The following CDKL1 variants were observed in gnomAD, a reference collection of about 807,000 sequenced individuals.
CDKL1 encodes the protein cyclin dependent kinase like 1.
A neutral mutation model predicts 42.0 loss-of-function variants in CDKL1; 41 were observed. The ratio of observed to expected loss-of-function variants is 0.98; its 90% CI spans 0.76 to 1.27. CDKL1 has a LOEUF of 1.27. CDKL1 is among the 50% of genes most tolerant of loss of function. CDKL1 has a pLI of 0.00. For synonymous variants in CDKL1, 153 were observed against 158.6 expected (o/e 0.96, Z 0.26); for missense variants, 394 against 428.4 (o/e 0.92, Z 0.71).
Position 50,395,988 on chromosome 14 carries a change from C to T in CDKL1, c.-120G>A. 9.4e-7 allele frequency: 1 copy of T among 1,062,396 alleles called. No homozygotes were observed. The highest frequency in any genetic ancestry group is 1.5e-5 in the South Asian group (1 of 67,984). 65.8% of individuals were successfully genotyped at this position (1,062,396 alleles called of 1,614,324 possible). A position where few individuals can be genotyped will look rare whatever the true frequency, so the allele number is the denominator to read the frequency against. On this transcript the variant is annotated 5_prime_UTR_variant, in exon 2 of 10. Coordinates refer to ENST00000395834, the MANE Select transcript of CDKL1 (RefSeq NM_004196.7). ...TCACCTGAGGTCAGGAGTTCGAGAC[C>T]AGTCTGGCCAACATACTGAAACTCC...
chr14:50,391,620 TGATCC>T (rs2035259547), intron 2 of CDKL1, among the ~76,000 whole-genome samples: 1 of 152,008 alleles, frequency 6.6e-6, no homozygotes, highest in Non-Finnish European at 1.5e-5. Flanking sequence ...CGACCTCAAG[TGATCC>T]GCCCGTCTCA....
At chr14:50,337,725 GC>G (rs2033357887) in intron 7 of CDKL1, among the ~76,000 whole-genome samples, 1 of 138,006 alleles carries the variant, frequency 7.2e-6, no homozygotes, top group African/African-American at 2.7e-5. Flanking sequence ...TACTCCTGTC[GC>G]CCAGGCTAGA....
chr14:50,375,104 A>C (rs1223672069), intron 2 of CDKL1, among the ~76,000 whole-genome samples: 1 of 152,238 alleles, frequency 6.6e-6, no homozygotes, highest in Non-Finnish European at 1.5e-5. Context: ...TATTAAAAAA[A>C]ATTAAAAAAA....
In CDKL1 at chr14:50,343,237, C is replaced by T. The variant is rs141383975; in HGVS notation, c.364-1015G>A. Among the ~76,000 whole-genome samples the T allele has an allele frequency of 9.3e-4, 118 of 126,816 alleles. 1 individual carries two copies. The highest frequency in any genetic ancestry group is 3.2e-3 in the African/African-American group (108 of 33,368). The allele number at this position is 126,816 out of a possible 152,430, so 83.2% of individuals were successfully genotyped here. On this transcript the variant is annotated intron_variant, in intron 4 of 9. Coordinates refer to ENST00000395834, the MANE Select transcript of CDKL1 (RefSeq NM_004196.7). ...CTTCCTCTTTCCCAAGTGTTTTCCT[C>T]TTAGGAGGAGAATGCTAGATCGTTT...
chr14:50,331,250 C>G (rs1020045886), intron 9 of CDKL1: 2 of 152,130 alleles, frequency 1.3e-5, no homozygotes, highest in Non-Finnish European at 2.9e-5. Flanking sequence ...ATCAATACAC[C>G]AAATAGTGGA....
At chr14:50,353,466 T>TC (rs1330029727) in intron 3 of CDKL1, among the ~76,000 whole-genome samples, 2 of 152,244 alleles carry the variant, frequency 1.3e-5, no homozygotes, top group South Asian at 2.1e-4. Context: ...CACAAGGCTA[T>TC]CACAAAGATG....
Position 50,343,610 on chromosome 14 carries a change from A to G in CDKL1, c.363+1376T>C, listed in dbSNP as rs982484406. On this transcript the variant is annotated intron_variant, in intron 4 of 9. Coordinates refer to ENST00000395834, the MANE Select transcript of CDKL1 (RefSeq NM_004196.7). ...TACTTGTAAGCAAGCATGTGCTCCT[A>G]TTCTGTTCTGGGAATTCTTTACAAG... Among the ~76,000 whole-genome samples, 4 of 152,230 alleles carry G rather than the reference A, an allele frequency of 2.6e-5. No individual in the cohort carries two copies. The South Asian group carries it at 6.2e-4, about 24-fold the overall frequency.
chr14:50,369,145 G>T (rs937218836), intron 2 of CDKL1, among the ~76,000 whole-genome samples: 1 of 152,086 alleles, frequency 6.6e-6, no homozygotes, highest in Non-Finnish European at 1.5e-5. Context: ...GAGATTATAG[G>T]TGTGAGCCAC....
intron 9 of CDKL1, chr14:50,331,861 C>A: frequency 1.5e-6 from 1 of 669,332 alleles, no homozygotes; most frequent in Non-Finnish European, 2.5e-6. Context: ...AGGAAAACAG[C>A]TCCTTTTTTG....
intron 2 of CDKL1, among the ~76,000 whole-genome samples, chr14:50,370,160 C>G (rs1467048822): frequency 6.6e-6 from 1 of 151,938 alleles, no homozygotes; most frequent in Admixed American, 6.6e-5. Context: ...CCTCTGCCTC[C>G]TGGGTTCAAG....
In CDKL1 at chr14:50,378,427, G is replaced by T. The variant is rs746188884; in HGVS notation, c.168+17274C>A. On this transcript the variant is annotated intron_variant, in intron 2 of 9. Coordinates refer to ENST00000395834, the MANE Select transcript of CDKL1 (RefSeq NM_004196.7). ...GGCTGGGCCGTGATAGTAGTAAAAT[G>T]TAAGGCTGGAAAAGGGGAAATTCAT... 4.4e-6 allele frequency: 6 copies of T among 1,366,056 alleles called. No homozygotes were observed. In the Admixed American group the frequency reaches 1.1e-4, roughly 26 times the overall value. 84.6% of individuals were successfully genotyped at this position (1,366,056 alleles called of 1,614,324 possible). A position where few individuals can be genotyped will look rare whatever the true frequency, so the allele number is the denominator to read the frequency against.
chr14:50,390,439 T>C (rs2035222749), intron 2 of CDKL1: 2 of 1,298,906 alleles, frequency 1.5e-6, no homozygotes, highest in East Asian at 5.4e-5. Context: ...TTCAGCAGCA[T>C]AGGGGCTTGG....
intron 2 of CDKL1, among the ~76,000 whole-genome samples, chr14:50,379,227 G>A (rs1253661478): frequency 6.6e-6 from 1 of 152,188 alleles, no homozygotes; most frequent in Non-Finnish European, 1.5e-5. Flanking sequence ...CATGCTGGAA[G>A]TGCCTTGGCA....
chr14:50,365,926 GACTTAC>G (rs1169524158), intron 2 of CDKL1, among the ~76,000 whole-genome samples: 1 of 152,320 alleles, frequency 6.6e-6, no homozygotes, highest in African/African-American at 2.4e-5. Context: ...TGGACTCTTG[GACTTAC>G]ACAGTGGTTT....
At chr14:50,378,084 G>C (rs1286633907) in intron 2 of CDKL1, 36 of 1,153,250 alleles carry the variant, frequency 3.1e-5, no homozygotes, top group Non-Finnish European at 4.0e-5. Context: ...ACGAGAAAGA[G>C]CCTGAGAATC....
At chr14:50,353,806 G>A (rs1185554047) in intron 3 of CDKL1, among the ~76,000 whole-genome samples, 1 of 152,070 alleles carries the variant, frequency 6.6e-6, no homozygotes, top group African/African-American at 2.4e-5. Flanking sequence ...TGGAACAGGA[G>A]GATCGCTTGA....
At chr14:50,389,889 G>A (rs1815089914) in intron 2 of CDKL1, among the ~76,000 whole-genome samples, 1 of 152,160 alleles carries the variant, frequency 6.6e-6, no homozygotes, top group African/African-American at 2.4e-5. Context: ...AAACCACATG[G>A]CATGAACTTG....
intron 4 of CDKL1, chr14:50,342,490 G>A: frequency 9.2e-7 from 1 of 1,085,478 alleles, no homozygotes; most frequent in Non-Finnish European, 1.2e-6. Flanking sequence ...GAAAAATACA[G>A]GACACCCAGT....
chr14:50,394,239 A>G (rs11570788), intron 2 of CDKL1, among the ~76,000 whole-genome samples: 29,018 of 152,154 alleles, frequency 0.19, 2,984 homozygotes, highest in Middle Eastern at 0.24. Flanking sequence ...AAAATGCCCA[A>G]CAGCCTCTCC....
Sources: allele counts gnomAD v4.1 joint callset (sites outside exome capture counted in the v4.1 genomes callset), GRCh38; gene constraint gnomAD v4.1.1; transcripts MANE v1.5; gene names NCBI Gene and HGNC (gene_info 2026-07-23, HGNC 2026-07-21).